GBP2: variants seen among roughly 807,000 people sequenced by gnomAD.
GBP2 encodes guanylate-binding protein 2.
In GBP2, 54 loss-of-function variants were observed where a neutral mutation model predicts 60.8. The ratio of observed to expected loss-of-function variants is 0.89; its 90% confidence interval spans 0.71 to 1.11. The LOEUF (loss-of-function observed/expected upper bound fraction) is 1.11. GBP2 is among the 50% of genes most tolerant of loss of function. The pLI, the probability that GBP2 is intolerant of heterozygous loss-of-function variation, is 0.00. For synonymous variants in GBP2, 243 were observed against 256.5 expected (o/e 0.95, Z 0.50); for missense variants, 665 against 703.3 (o/e 0.95, Z 0.62).
rs544726043 is a variant in GBP2, at chr1:89,126,063, C to A, written c.-218G>T. On this transcript the variant is annotated 5_prime_UTR_variant, in exon 1 of 11. In the 5' UTR this introduces an upstream ATG that the reference lacks. Transcript: ENST00000370466. ...TCCAGGCTCTGTCAATGTCAGAGACCTGACGAGAGACAAGAAAAAGAGGTA... is the reference window on the plus strand; with the variant it reads ...TCCAGGCTCTGTCAATGTCAGAGACATGACGAGAGACAAGAAAAAGAGGTA... 4 of 152,282 alleles carry A rather than the reference C, an allele frequency of 2.6e-5. No individual in the cohort carries two copies. In the South Asian group the frequency reaches 8.3e-4, roughly 32 times the overall value. 9.4% of individuals were successfully genotyped at this position (152,282 alleles called of 1,614,324 possible). A position where few individuals can be genotyped will look rare whatever the true frequency, so the allele number is the denominator to read the frequency against.
intron 1 of GBP2, among the ~76,000 whole-genome samples, chr1:89,123,628 C>G: frequency 6.6e-6 from 1 of 152,232 alleles, no homozygotes; most frequent in East Asian, 1.9e-4. Flanking sequence ...CTTACACATA[C>G]AGTCAAAACA....
Position 89,113,972 on chromosome 1 carries a change from G to A in GBP2, c.1149+44C>T, listed in dbSNP as rs548095924. On this transcript the variant is annotated intron_variant, in intron 7 of 10. Transcript: ENST00000370466. The stretch of plus-strand genomic sequence containing the variant: ...AGAAAGAATTATTTTCCCATGAAGG[G>A]CCCATATTTTTCTGCCTCTCATGAC... 6.4e-5 allele frequency: 103 copies of A among 1,601,962 alleles called. 2 individuals are homozygous for A. In the South Asian group the frequency reaches 1.1e-3, roughly 17 times the overall value.
At chr1:89,112,842 G>T in intron 7 of GBP2, 158 bp from the exon 8 acceptor site, 1 of 604,004 alleles carries the variant, frequency 1.7e-6, no homozygotes, top group East Asian at 2.8e-5. Context: ...TCCCTAAGTT[G>T]TGCTTATTGC....
At chr1:89,119,857 CA>C (rs1681359735) in intron 4 of GBP2, 1 of 248,844 alleles carries the variant, frequency 4.0e-6, no homozygotes, top group East Asian at 1.1e-4. Flanking sequence ...ACACTTAGAG[CA>C]GATGATAAGA....
At chr1:89,116,886 T>G (rs1390756959) in intron 6 of GBP2, 106 bp downstream of exon 6, 4 of 1,091,838 alleles carry the variant, frequency 3.7e-6, no homozygotes, top group Non-Finnish European at 5.4e-6. Context: ...TTGCCATCAA[T>G]AGACTATGCA....
chr1:89,111,548 A>G (rs1681165482), intron 8 of GBP2, among the ~76,000 whole-genome samples: 1 of 142,178 alleles, frequency 7.0e-6, no homozygotes, highest in African/African-American at 2.6e-5. Context: ...GTTCTCACTT[A>G]TTTGTGGGAT....
At position 89,117,581 on chromosome 1, in the gene GBP2, T is replaced by A. The variant is rs758100201; in HGVS notation, c.621A>T (p.Arg207Ser). The change falls in exon 5 of 11, where the codon AGA (arginine) becomes AGT (serine). Residue 207 changes from arginine (R) to serine (S), a missense_variant. Arg to Ser is a moderately radical substitution (Grantham distance 110). Coordinates refer to ENST00000370466, the MANE Select transcript of GBP2 (RefSeq NM_004120.5). The stretch of plus-strand genomic sequence containing the variant: ...CCAAGCATCAGACCCAGTAACCTTT[T>A]CTTAGCTTTAGCGAAAGCTCCAAGT... ...DDYLELSLKLRKGTDKKSKSF... is the reference protein window; with the variant it reads ...DDYLELSLKLSKGTDKKSKSF... The A allele has an allele frequency of 2.5e-6, 4 of 1,612,624 alleles. No homozygotes were observed. The highest frequency in any genetic ancestry group is 3.3e-4 in the Middle Eastern group (2 of 6,058).
rs1681072084 is a variant in GBP2 at position 89,107,058 on chromosome 1, G to T, written c.*1117C>A. 6.6e-6 allele frequency: 1 copy of T among 152,044 alleles called. No individual in the cohort carries two copies. 9.4% of individuals were successfully genotyped at this position (152,044 alleles called of 1,614,324 possible). ...CTGGAGCATCGGTGTGCAACCTAAT[G>T]GTATTAAAAAGTAAATTACTTTTTA... On this transcript the variant is annotated 3_prime_UTR_variant, in exon 11 of 11. Transcript: ENST00000370466.
chr1:89,125,631 A>T (rs1170680721), intron 1 of GBP2, among the ~76,000 whole-genome samples: 1 of 152,228 alleles, frequency 6.6e-6, no homozygotes. Flanking sequence ...AATTTAAGAT[A>T]GTGTCAAGAA....
intron 1 of GBP2, among the ~76,000 whole-genome samples, chr1:89,123,116 A>C (rs190621941): frequency 1.3e-5 from 2 of 152,156 alleles, no homozygotes; most frequent in Admixed American, 6.5e-5. Context: ...TGCTTCCATC[A>C]TATTTTCAGT....
At chr1:89,116,203 G>A (rs1349939263) in intron 6 of GBP2, among the ~76,000 whole-genome samples, 1 of 151,388 alleles carries the variant, frequency 6.6e-6, no homozygotes, top group Admixed American at 6.6e-5. Context: ...AGTAGAGGAA[G>A]GGTTTCCCCA....
intron 6 of GBP2, 35 bp from the exon 7 acceptor site, chr1:89,114,331 CAGTT>C (rs1681226118): frequency 4.4e-6 from 7 of 1,605,212 alleles, no homozygotes; most frequent in Non-Finnish European, 6.0e-6. Flanking sequence ...ATGTGACTAT[CAGTT>C]GGTGGGACAG....
chr1:89,122,070 T>G, intron 1 of GBP2, 87 bp from the exon 2 acceptor site: 1 of 959,218 alleles, frequency 1.0e-6, no homozygotes, highest in Non-Finnish European at 1.5e-6. Context: ...AAATTTTTGT[T>G]TTCTATGCTT....
chr1:89,118,571 T>C (rs901134632), intron 4 of GBP2: 1 of 152,188 alleles, frequency 6.6e-6, no homozygotes, highest in South Asian at 2.1e-4. Context: ...TAAATCATAC[T>C]GGCTGGCATT....
intron 2 of GBP2, 152 bp from the exon 3 acceptor site, chr1:89,121,422 A>G: frequency 4.4e-6 from 3 of 679,682 alleles, no homozygotes; most frequent in Admixed American, 3.4e-5. Flanking sequence ...GGAAAATTAG[A>G]TATTTAATAC....
Position 89,109,679 on chromosome 1 carries a change from G to A in GBP2, c.1657C>T (p.Gln553Ter). ...ATTGAGATGATGCAATTGAATACCT[G>A]AAGTTTAAGAGCGAGGGTCTTCTCT... ...EQEKTLALKLQEQERLLKEGF... is the reference protein window; with the variant it reads ...EQEKTLALKL Residue 553 changes from glutamine (Q) to a stop codon, truncating the protein, a stop_gained and splice_region_variant, in exon 10 of 11, where the codon CAG (glutamine) becomes TAG (stop). Coordinates refer to ENST00000370466, the MANE Select transcript of GBP2 (RefSeq NM_004120.5). LOFTEE classifies it low-confidence loss of function (END_TRUNC). 6.2e-7 allele frequency: 1 copy of A among 1,612,392 alleles called. No homozygotes were observed. The highest frequency in any genetic ancestry group is 8.5e-7 in the Non-Finnish European group (1 of 1,179,474).
intron 4 of GBP2, chr1:89,118,711 G>A (rs1681333482): frequency 6.6e-6 from 1 of 152,146 alleles, no homozygotes; most frequent in Admixed American, 6.5e-5. Context: ...GGCTAGTCTA[G>A]AGAAATAACT....
At chr1:89,112,803 T>C in intron 7 of GBP2, 119 bp from the exon 8 acceptor site, 1 of 704,856 alleles carries the variant, frequency 1.4e-6, no homozygotes, top group South Asian at 1.7e-5. Flanking sequence ...AGGGCCATGC[T>C]CCTCACATTG....
rs149789032 is a variant in GBP2 at position 89,116,992 on chromosome 1, G to A, written c.868C>T (p.Arg290Cys). Residue 290 changes from arginine to cysteine, a missense_variant and splice_region_variant, in exon 6 of 11, where the codon CGT becomes TGT. Physicochemically the swap from Arg to Cys is radical, Grantham distance 180. Coordinates refer to ENST00000370466, the MANE Select transcript of GBP2 (RefSeq NM_004120.5). ...GAAGTGGGTAGAGAGAGTGACTCAC[G>A]AGGCCCATTGACTGGAATGCCACCT... ...LSGGIPVNGPRLESLVLTYVN... is the reference protein window; with the variant it reads ...LSGGIPVNGPCLESLVLTYVN... The A allele has an allele frequency of 5.6e-6, 9 of 1,613,694 alleles. No homozygotes were observed. Among genetic ancestry groups the A allele is most frequent in the Admixed American group, 3.3e-5 (2 of 59,980 alleles).
Sources: allele counts gnomAD v4.1 joint callset (sites outside exome capture counted in the v4.1 genomes callset), GRCh38; gene constraint gnomAD v4.1.1; transcripts MANE v1.5; gene names NCBI Gene and HGNC (gene_info 2026-07-23, HGNC 2026-07-21).